TGFB2: variants seen among roughly 807,000 people sequenced by gnomAD.
The protein encoded by TGFB2 is transforming growth factor beta 2, also known as transforming growth factor beta-2 proprotein.
A neutral mutation model predicts 42.7 loss-of-function variants in TGFB2; 13 were observed. The observed-to-expected ratio is 0.30, with a 90% CI of 0.20 to 0.48. The LOEUF is 0.48. Ranked by LOEUF, TGFB2 falls within the 20% of genes least tolerant of loss-of-function variation. The probability of loss-of-function intolerance (pLI) is 0.99; values close to 1 mark genes in which losing one functional copy is unlikely to be tolerated. For synonymous variants in TGFB2, 193 were observed against 193.6 expected, an observed-to-expected ratio of 1.00 and a Z score of 0.03; for missense variants, 390 against 517.5, an observed-to-expected ratio of 0.75 and a Z score of 2.39.
At chr1:218,355,524 G>C (rs895254399) in intron 1 of TGFB2, among the ~76,000 whole-genome samples, 2 of 152,210 alleles carry the variant, frequency 1.3e-5, no homozygotes, top group African/African-American at 4.8e-5. Context: ...CATTAAAACT[G>C]CCTCATTGAT....
At chr1:218,371,985 G>A (rs1053695329) in intron 1 of TGFB2, among the ~76,000 whole-genome samples, 9 of 152,112 alleles carry the variant, frequency 5.9e-5, no homozygotes, top group South Asian at 2.1e-4. Flanking sequence ...CCTGGCATGG[G>A]GTGTCTGCTG....
At chr1:218,434,927 C>T (rs1380716176) in intron 4 of TGFB2, among the ~76,000 whole-genome samples, 1 of 152,172 alleles carries the variant, frequency 6.6e-6, no homozygotes, top group Non-Finnish European at 1.5e-5. Context: ...TTTTCTAGTC[C>T]ATACCCAGTA....
intron 1 of TGFB2, chr1:218,363,397 A>G: frequency 6.2e-7 from 1 of 1,613,950 alleles, no homozygotes; most frequent in Non-Finnish European, 8.5e-7. Context: ...AGACAGTCCC[A>G]GGTGCTCTGT....
At chr1:218,376,018 G>A (rs1220866615) in intron 1 of TGFB2, among the ~76,000 whole-genome samples, 3 of 152,198 alleles carry the variant, frequency 2.0e-5, no homozygotes, top group Non-Finnish European at 4.4e-5. Context: ...CTGTAGCGAA[G>A]GGGAAATGAG....
intron 1 of TGFB2, among the ~76,000 whole-genome samples, chr1:218,404,400 ACCCACTGTG>A (rs1658836413): frequency 6.6e-6 from 1 of 152,212 alleles, no homozygotes; most frequent in Admixed American, 6.5e-5. Flanking sequence ...TACAGGCGTG[ACCCACTGTG>A]CCCGTCCTTC....
intron 2 of TGFB2, among the ~76,000 whole-genome samples, chr1:218,415,383 T>TGTG (rs1659239759): frequency 6.6e-6 from 1 of 152,070 alleles, no homozygotes; most frequent in African/African-American, 2.4e-5. Context: ...TCACTCAGCT[T>TGTG]GTGGTGGTTC....
Position 218,351,401 on chromosome 1 carries a change from A to C in TGFB2, c.346+4354A>C, listed in dbSNP as rs553565028. ...CAGAATGATTGAGTTATTAATATAC[A>C]ACAGACCAAACTTTAATTCTCCCTT... is the stretch of plus-strand genomic sequence containing the variant. On this transcript the variant is annotated intron_variant, in intron 1 of 6. Transcript: ENST00000366930. 1.1e-4 allele frequency among the ~76,000 whole-genome samples: 17 copies of C among 152,314 alleles called. No individual in the cohort carries two copies. The South Asian group carries it at 3.3e-3, about 30-fold the overall frequency.
intron 1 of TGFB2, among the ~76,000 whole-genome samples, chr1:218,351,144 A>G (rs924686215): frequency 6.6e-6 from 1 of 152,262 alleles, no homozygotes; most frequent in Non-Finnish European, 1.5e-5. Flanking sequence ...TTAGCATTCA[A>G]TTCATGAATA....
intron 1 of TGFB2, among the ~76,000 whole-genome samples, chr1:218,373,014 T>C (rs1219271817): frequency 1.3e-5 from 2 of 152,010 alleles, no homozygotes; most frequent in East Asian, 3.9e-4. Context: ...CCATCTCTAC[T>C]AAAAATACAA....
intron 1 of TGFB2, among the ~76,000 whole-genome samples, chr1:218,402,398 T>C (rs1003547741): frequency 1.3e-5 from 2 of 152,138 alleles, no homozygotes; most frequent in African/African-American, 4.8e-5. Flanking sequence ...CTGTAAATAT[T>C]TGCAAACTCC....
chr1:218,350,620 A>C (rs1022485624), intron 1 of TGFB2, among the ~76,000 whole-genome samples: 2 of 152,246 alleles, frequency 1.3e-5, no homozygotes, highest in Admixed American at 6.5e-5. Flanking sequence ...AATACTGAAT[A>C]GGAGGATAGT....
intron 2 of TGFB2, among the ~76,000 whole-genome samples, chr1:218,429,562 A>G (rs924237440): frequency 1.3e-5 from 2 of 152,206 alleles, no homozygotes; most frequent in Non-Finnish European, 2.9e-5. Flanking sequence ...ACATTGATGT[A>G]TAAGTATTGC....
intron 2 of TGFB2, among the ~76,000 whole-genome samples, chr1:218,407,877 G>C (rs1658965092): frequency 6.6e-6 from 1 of 152,124 alleles, no homozygotes; most frequent in African/African-American, 2.4e-5. Context: ...AACTAGGCTA[G>C]AGGATGAAGT....
intron 1 of TGFB2, among the ~76,000 whole-genome samples, chr1:218,358,044 A>G (rs1657096557): frequency 6.6e-6 from 1 of 152,232 alleles, no homozygotes; most frequent in South Asian, 2.1e-4. Context: ...ATCTGTCTTG[A>G]CAAGCTAGTT....
chr1:218,366,064 G>A (rs1013743431), intron 1 of TGFB2, among the ~76,000 whole-genome samples: 22 of 152,146 alleles, frequency 1.4e-4, no homozygotes, highest in Admixed American at 5.2e-4. Flanking sequence ...ATGTGACTGC[G>A]AAATCATTTT....
chr1:218,397,297 C>T (rs867266305), intron 1 of TGFB2, among the ~76,000 whole-genome samples: 4 of 149,150 alleles, frequency 2.7e-5, no homozygotes, highest in Admixed American at 2.0e-4. Context: ...GGCGCGGTGG[C>T]TTATGCCTGT....
At chr1:218,355,517 T>C (rs1055201589) in intron 1 of TGFB2, among the ~76,000 whole-genome samples, 1 of 152,238 alleles carries the variant, frequency 6.6e-6, no homozygotes, top group Non-Finnish European at 1.5e-5. Context: ...TGCAAGTCAT[T>C]AAAACTGCCT....
At chr1:218,417,583 A>C (rs2102608340) in intron 2 of TGFB2, among the ~76,000 whole-genome samples, 1 of 152,368 alleles carries the variant, frequency 6.6e-6, no homozygotes, top group South Asian at 2.1e-4. Context: ...AATTTGCTTA[A>C]GTAATGAGGA....
At chr1:218,393,229 G>A (rs1424521724) in intron 1 of TGFB2, among the ~76,000 whole-genome samples, 1 of 152,180 alleles carries the variant, frequency 6.6e-6, no homozygotes, top group East Asian at 1.9e-4. Flanking sequence ...TGGGATAAGA[G>A]TGCTTTCTTT....
Sources: gnomAD v4.1 joint callset for allele counts (sites outside exome capture counted in the v4.1 genomes callset) on GRCh38, gnomAD v4.1.1 for gene constraint, MANE v1.5 for transcripts, NCBI Gene and HGNC (gene_info 2026-07-23, HGNC 2026-07-21) for gene names.